The following PARVB variants were observed in gnomAD, a reference collection of about 807,000 sequenced individuals.
PARVB encodes the protein parvin beta.
A neutral mutation model predicts 47.0 loss-of-function variants in PARVB; 46 were observed. That is an observed-to-expected ratio of 0.98 (90% CI 0.77 to 1.25). PARVB has a LOEUF of 1.25. Among genes scored for constraint, PARVB ranks in the 50% most tolerant of loss-of-function variants. PARVB has a pLI of 0.00. For missense variants in PARVB, 473 were observed against 471.6 expected, an observed-to-expected ratio of 1.00 and a Z score of -0.03; for synonymous variants, 196 against 196.3, an observed-to-expected ratio of 1.00 and a Z score of 0.01.
At chr22:44,036,742 C>T (rs557860906) in intron 1 of PARVB, among the ~76,000 whole-genome samples, 8 of 152,174 alleles carry the variant, frequency 5.3e-5, no homozygotes, top group Non-Finnish European at 1.2e-4. Flanking sequence ...CTGAGATGGG[C>T]GGATCACTTG....
intron 2 of PARVB, among the ~76,000 whole-genome samples, chr22:44,018,772 T>C (rs1405356009): frequency 6.6e-6 from 1 of 152,184 alleles, no homozygotes; most frequent in Non-Finnish European, 1.5e-5. Flanking sequence ...AGGGCAGTCC[T>C]TTCCATCGCC....
intron 1 of PARVB, chr22:44,081,702 G>T (rs905494043): frequency 1.0e-5 from 8 of 777,156 alleles, no homozygotes; most frequent in Non-Finnish European, 1.2e-5. Flanking sequence ...ATTGCCCCCC[G>T]CCTCGGTGGG....
chr22:44,151,176 C>G (rs752203854), intron 9 of PARVB: 2 of 260,080 alleles, frequency 7.7e-6, no homozygotes, highest in Non-Finnish European at 1.5e-5. Flanking sequence ...GCAGTTTCAT[C>G]TTTCTTAAGA....
chr22:44,057,100 T>G (rs1248107981), intron 1 of PARVB, among the ~76,000 whole-genome samples: 1 of 151,988 alleles, frequency 6.6e-6, no homozygotes. Flanking sequence ...TCTTTTTTTT[T>G]TGTCCTGCGT....
At chr22:44,057,202 C>G (rs2051331465) in intron 1 of PARVB, among the ~76,000 whole-genome samples, 1 of 151,774 alleles carries the variant, frequency 6.6e-6, no homozygotes, top group East Asian at 1.9e-4. Flanking sequence ...AATTAGGGGA[C>G]TTGTGATCAT....
At chr22:44,024,134 A>G (rs2050687873), upstream of PARVB, 1 of 166,548 alleles carries the variant, frequency 6.0e-6, no homozygotes, top group Non-Finnish European at 1.2e-5. Context: ...CCCTTCTCTG[A>G]GCTTGAGCGG....
chr22:44,159,511 G>A lies in PARVB; in HGVS notation c.945+1428G>A, dbSNP rs142543639. Among the ~76,000 whole-genome samples the A allele has an allele frequency of 3.5e-3, 526 of 152,268 alleles. 1 individual carries two copies. Among genetic ancestry groups the A allele is most frequent in the Middle Eastern group, 6.8e-3 (2 of 294 alleles). ...GCGAGGAAGGGAAGGCTATTTTCAG[G>A]TATAGCATGCAGCACACCATTCATC... On this transcript the variant is annotated intron_variant, in intron 11 of 12. Coordinates refer to ENST00000338758, the MANE Select transcript of PARVB (RefSeq NM_013327.5).
rs1242846712 is a variant in PARVB at position 44,172,046 on chromosome 22, T to C, written c.*3368T>C. ...CATTCTTTTCCAATTGGTTCAAAGG[T>C]GTAGGTGTGCCTTTTGCATACCTGG... On this transcript the variant is annotated 3_prime_UTR_variant, in exon 13 of 13. Transcript: ENST00000338758. 8 of 151,874 alleles carry C rather than the reference T, an allele frequency of 5.3e-5. No homozygotes were observed. Among genetic ancestry groups the C allele is most frequent in the East Asian group, 3.9e-4 (2 of 5,166 alleles). The allele number at this position is 151,874 out of a possible 1,614,324, so 9.4% of individuals were successfully genotyped here.
intron 1 of PARVB, chr22:44,086,955 G>A: frequency 2.4e-6 from 1 of 415,410 alleles, no homozygotes; most frequent in Non-Finnish European, 3.2e-6. Flanking sequence ...CTCCCCAGCT[G>A]GGAAGAGGAG....
At chr22:44,056,137 CCCCACCGTGCGT>C (rs1362013368) in intron 1 of PARVB, among the ~76,000 whole-genome samples, 1 of 152,224 alleles carries the variant, frequency 6.6e-6, no homozygotes, top group Non-Finnish European at 1.5e-5. Context: ...ATGACGGGAG[CCCCACCGTGCGT>C]GCTGTCCTAT....
At chr22:44,063,418 G>C (rs568788576) in intron 1 of PARVB, among the ~76,000 whole-genome samples, 25 of 152,072 alleles carry the variant, frequency 1.6e-4, no homozygotes, top group Admixed American at 3.9e-4. Flanking sequence ...TTAGAGACGG[G>C]GTTTCACTAT....
At chr22:44,012,910 CT>C (rs2094265203) in intron 2 of PARVB, among the ~76,000 whole-genome samples, 2 of 146,452 alleles carry the variant, frequency 1.4e-5, no homozygotes, top group Non-Finnish European at 3.0e-5. Context: ...TTTTTTTTAA[CT>C]TTTTTGAGAC....
chr22:44,129,460 C>T (rs149058606), intron 4 of PARVB, among the ~76,000 whole-genome samples: 7 of 152,316 alleles, frequency 4.6e-5, no homozygotes, highest in East Asian at 1.9e-4. Flanking sequence ...GTTCAGTCTG[C>T]GGGGCCGGAT....
intron 11 of PARVB, among the ~76,000 whole-genome samples, chr22:44,161,007 C>T (rs1002424808): frequency 6.6e-6 from 1 of 152,202 alleles, no homozygotes; most frequent in Non-Finnish European, 1.5e-5. Flanking sequence ...CAAATTGGTG[C>T]TGACTTTTAC....
chr22:44,010,993 G>T (rs570518765), intron 2 of PARVB, among the ~76,000 whole-genome samples: 1 of 150,344 alleles, frequency 6.7e-6, no homozygotes, highest in Non-Finnish European at 1.5e-5. Flanking sequence ...CTGGGTTCAC[G>T]TCATTCTCCT....
At chr22:44,124,749 T>C (rs1044553476) in intron 4 of PARVB, among the ~76,000 whole-genome samples, 11 of 152,054 alleles carry the variant, frequency 7.2e-5, no homozygotes, top group African/African-American at 2.7e-4. Context: ...TCCTGGAGGG[T>C]CACTCCCTCA....
At chr22:44,019,906 C>A (rs901713492), upstream of PARVB, among the ~76,000 whole-genome samples, 2 of 152,184 alleles carry the variant, frequency 1.3e-5, no homozygotes, top group Non-Finnish European at 1.5e-5. Context: ...AAATCCTAAT[C>A]CCCAGTACTG....
At chr22:44,144,099 C>T (rs1911662581) in intron 8 of PARVB, 1 of 152,620 alleles carries the variant, frequency 6.6e-6, no homozygotes, top group African/African-American at 2.4e-5. Context: ...TCTGGCATCT[C>T]TCTCTCCTTG....
At chr22:44,007,829 C>T (rs935771111) in intron 2 of PARVB, among the ~76,000 whole-genome samples, 24 of 152,168 alleles carry the variant, frequency 1.6e-4, no homozygotes, top group Non-Finnish European at 2.2e-4. Context: ...ACTCCCAATT[C>T]GGTCCTTCCC....
Sources: allele counts gnomAD v4.1 joint callset (sites outside exome capture counted in the v4.1 genomes callset), GRCh38; gene constraint gnomAD v4.1.1; transcripts MANE v1.5; gene names NCBI Gene and HGNC (gene_info 2026-07-23, HGNC 2026-07-21).